The following ARHGAP17 variants were observed in gnomAD, a reference collection of about 807,000 sequenced individuals.
ARHGAP17 encodes the protein rho GTPase-activating protein 17.
A neutral mutation model predicts 99.5 loss-of-function variants in ARHGAP17; 57 were observed. The observed-to-expected ratio is 0.57, with a 90% CI of 0.46 to 0.71. The LOEUF (loss-of-function observed/expected upper bound fraction) is 0.71. ARHGAP17 is among the 30% of genes least tolerant of loss of function. The pLI is 0.00. For synonymous variants in ARHGAP17, 417 were observed against 429.6 expected, an observed-to-expected ratio of 0.97 and a Z score of 0.36; for missense variants, 1,000 against 1,122.4, an observed-to-expected ratio of 0.89 and a Z score of 1.56.
At chr16:24,941,897 C>A in intron 16 of ARHGAP17, 90 bp downstream of exon 16, 1 of 1,588,904 alleles carries the variant, frequency 6.3e-7, no homozygotes, top group South Asian at 1.1e-5. Flanking sequence ...GGCGACCACT[C>A]TCAAATCCCA....
At chr16:24,933,742 T>C (rs1323890167) in intron 18 of ARHGAP17, among the ~76,000 whole-genome samples, 1 of 145,586 alleles carries the variant, frequency 6.9e-6, no homozygotes, top group Non-Finnish European at 1.5e-5. Context: ...GGGAGCAAAG[T>C]GTCAGGGGGA....
intron 1 of ARHGAP17, among the ~76,000 whole-genome samples, chr16:24,980,425 TCCCAGGGCCAGAGGATCAGGG>T (rs2052641549): frequency 6.6e-6 from 1 of 152,028 alleles, no homozygotes; most frequent in Non-Finnish European, 1.5e-5. Flanking sequence ...CTCAAATACT[TCCCAGGGCCAGAGGATCAGGG>T]CCTAGAGACA....
Position 24,995,141 on chromosome 16 carries a change from G to A in ARHGAP17, c.54-16136C>T, listed in dbSNP as rs372886528. ...TAGAACAGCATAAGGGTAATGGCCC[G>A]ATAATTAAATTACCTCCCATGGGAT... On this transcript the variant is annotated intron_variant, in intron 1 of 19. Coordinates refer to ENST00000289968, the MANE Select transcript of ARHGAP17 (RefSeq NM_001006634.3). 2.1e-3 allele frequency among the ~76,000 whole-genome samples: 324 copies of A among 152,280 alleles called. 6 individuals carry two copies. The South Asian group carries it at 0.027, about 13-fold the overall frequency.
At chr16:24,935,070 A>G (rs2051098773) in intron 18 of ARHGAP17, among the ~76,000 whole-genome samples, 1 of 152,148 alleles carries the variant, frequency 6.6e-6, no homozygotes, top group Non-Finnish European at 1.5e-5. Context: ...GACAGGTGGG[A>G]GCAGTTCAGA....
At chr16:24,954,560 G>C (rs750612904) in intron 10 of ARHGAP17, 43 bp downstream of exon 10, 16 of 1,590,588 alleles carry the variant, frequency 1.0e-5, no homozygotes, top group African/African-American at 1.3e-5. Context: ...GTACAACAAG[G>C]GGCATGGAGA....
intron 14 of ARHGAP17, among the ~76,000 whole-genome samples, chr16:24,944,398 T>C (rs556734033): frequency 6.6e-6 from 1 of 152,248 alleles, no homozygotes; most frequent in South Asian, 2.1e-4. Flanking sequence ...CAGTGTCTGC[T>C]ACACACAGAC....
chr16:24,997,730 C>T (rs901975553), intron 1 of ARHGAP17, among the ~76,000 whole-genome samples: 6 of 152,052 alleles, frequency 3.9e-5, no homozygotes, highest in Admixed American at 3.9e-4. Flanking sequence ...AGGATGACCA[C>T]CAGGTTTCTG....
At chr16:24,972,896 C>T (rs919889838) in intron 3 of ARHGAP17, among the ~76,000 whole-genome samples, 3 of 151,890 alleles carry the variant, frequency 2.0e-5, no homozygotes, top group Non-Finnish European at 4.4e-5. Flanking sequence ...GGGAGGGCTT[C>T]GTGCTTCCTA....
intron 12 of ARHGAP17, among the ~76,000 whole-genome samples, chr16:24,951,434 T>C (rs2051641734): frequency 6.6e-6 from 1 of 152,178 alleles, no homozygotes; most frequent in South Asian, 2.1e-4. Flanking sequence ...CAGTAAATAT[T>C]AATGTCATCA....
chr16:24,958,520 T>C (rs981111385), intron 9 of ARHGAP17, among the ~76,000 whole-genome samples: 5 of 152,204 alleles, frequency 3.3e-5, no homozygotes, highest in Admixed American at 6.5e-5. Flanking sequence ...CATGAACTAA[T>C]AATCTTGATT....
chr16:25,011,376 TG>T (rs1351224120), intron 1 of ARHGAP17, among the ~76,000 whole-genome samples: 1 of 152,078 alleles, frequency 6.6e-6, no homozygotes, highest in Non-Finnish European at 1.5e-5. Context: ...TTGGAAGATG[TG>T]GAAGTCTCCC....
intron 4 of ARHGAP17, among the ~76,000 whole-genome samples, 168 bp from the exon 5 acceptor site, chr16:24,968,940 G>T (rs1240074047): frequency 6.6e-6 from 1 of 152,224 alleles, no homozygotes; most frequent in Non-Finnish European, 1.5e-5. Context: ...TGAGTCCACA[G>T]ATTTGTGCTT....
At chr16:25,003,871 G>A (rs1371523112) in intron 1 of ARHGAP17, among the ~76,000 whole-genome samples, 1 of 151,938 alleles carries the variant, frequency 6.6e-6, no homozygotes, top group African/African-American at 2.4e-5. Flanking sequence ...CTATTGGATG[G>A]AAATGCAACC....
intron 9 of ARHGAP17, 200 bp from the exon 10 acceptor site, chr16:24,954,930 G>A: frequency 1.4e-6 from 1 of 691,612 alleles, no homozygotes. Context: ...GCGGTTACTT[G>A]TGGAACAGAA....
intron 18 of ARHGAP17, among the ~76,000 whole-genome samples, chr16:24,932,129 G>A (rs1251619566): frequency 6.6e-6 from 1 of 151,778 alleles, no homozygotes; most frequent in Non-Finnish European, 1.5e-5. Context: ...AAAAAGTTGG[G>A]GGGGATGGGG....
chr16:24,946,500 C>T (rs1410807176), intron 14 of ARHGAP17, among the ~76,000 whole-genome samples: 1 of 150,672 alleles, frequency 6.6e-6, no homozygotes, highest in Non-Finnish European at 1.5e-5. Context: ...ACCTCTGCTG[C>T]CGTCATACTT....
intron 1 of ARHGAP17, among the ~76,000 whole-genome samples, chr16:25,007,160 A>C (rs2053529440): frequency 6.6e-6 from 1 of 152,226 alleles, no homozygotes; most frequent in African/African-American, 2.4e-5. Context: ...AAATAAGTTT[A>C]AAGTTTCAAA....
intron 12 of ARHGAP17, among the ~76,000 whole-genome samples, chr16:24,950,704 G>T (rs999467288): frequency 2.0e-5 from 3 of 151,988 alleles, no homozygotes; most frequent in African/African-American, 4.8e-5. Flanking sequence ...AGGCATGGTG[G>T]TGTGCGCCTG....
intron 4 of ARHGAP17, 30 bp from the exon 5 acceptor site, chr16:24,968,802 A>AC: frequency 6.2e-7 from 1 of 1,607,620 alleles, no homozygotes; most frequent in Non-Finnish European, 8.5e-7. Context: ...AACAACGAGC[A>AC]CGTGCTCATT....
Sources: gnomAD v4.1 joint callset for allele counts (sites outside exome capture counted in the v4.1 genomes callset) on GRCh38, gnomAD v4.1.1 for gene constraint, MANE v1.5 for transcripts, NCBI Gene and HGNC (gene_info 2026-07-23, HGNC 2026-07-21) for gene names.